The following IFNA1 variants were observed in gnomAD, a reference collection of about 807,000 sequenced individuals.
The protein encoded by IFNA1 is interferon alpha 1.
For missense variants in IFNA1, 130 were observed against 219.8 expected (o/e 0.59, Z 2.58); for synonymous variants, 52 against 86.8 (o/e 0.60, Z 2.23).
chr9:21,440,573 G>C lies in IFNA1; in HGVS notation c.66G>C (p.Leu22=). Residue 22 remains leucine (L), a synonymous_variant, in exon 1 of 1, where the codon CTG becomes CTC. Coordinates refer to ENST00000276927, the MANE Select transcript of IFNA1 (RefSeq NM_024013.3). ...VVLSCKSSCS[L]GCDLPETHSL... is the part of the protein sequence containing the mutation. Reference sequence around the variant, plus strand: ...TCAGCTGCAAGTCAAGCTGCTCTCTGGGCTGTGATCTCCCTGAGACCCACA... The same window carrying C: ...TCAGCTGCAAGTCAAGCTGCTCTCTCGGCTGTGATCTCCCTGAGACCCACA... 1 of 1,613,652 alleles carries C rather than the reference G, an allele frequency of 6.2e-7. No individual in the cohort carries two copies.
chr9:21,441,043 C>G lies in IFNA1; in HGVS notation c.536C>G (p.Thr179Arg). 3 of 1,611,994 alleles carry G rather than the reference C, an allele frequency of 1.9e-6. No individual in the cohort carries two copies. The highest frequency in any genetic ancestry group is 2.5e-6 in the Non-Finnish European group (3 of 1,179,650). The stretch of plus-strand genomic sequence containing the variant: ...ATCATGAGATCCCTCTCTTTATCAA[C>G]AAACTTGCAAGAAAGATTAAGGAGG... ...AEIMRSLSLSTNLQERLRRKE is the reference protein window; with the variant it reads ...AEIMRSLSLSRNLQERLRRKE The change falls in exon 1 of 1, where the codon ACA becomes AGA. Residue 179 changes from threonine to arginine, a missense_variant. Transcript: ENST00000276927.
Position 21,441,202 on chromosome 9 carries a change from C to A in IFNA1, c.*125C>A. On this transcript the variant is annotated 3_prime_UTR_variant, in exon 1 of 1. Transcript: ENST00000276927. ...TGACCATGCTGATAAACTGATTTAT[C>A]TATTTAAATATTTATTTAACTATTC... 2 of 1,360,766 alleles carry A rather than the reference C, an allele frequency of 1.5e-6. No homozygotes were observed. Among genetic ancestry groups the A allele is most frequent in the Non-Finnish European group, 2.0e-6 (2 of 1,006,828 alleles). The allele number at this position is 1,360,766 out of a possible 1,614,324, so 84.3% of individuals were successfully genotyped here.
chr9:21,440,444 A>T lies in IFNA1; in HGVS notation c.-64A>T. On this transcript the variant is annotated 5_prime_UTR_variant, in exon 1 of 1. Coordinates refer to ENST00000276927, the MANE Select transcript of IFNA1 (RefSeq NM_024013.3). Reference sequence around the variant, plus strand: ...TTGCAGGAAGCAAGGCCTTCAGAGAACCTAGAGCCCAAGGTTCAGAGTCAC... The same window carrying T: ...TTGCAGGAAGCAAGGCCTTCAGAGATCCTAGAGCCCAAGGTTCAGAGTCAC... 1 of 1,595,800 alleles carries T rather than the reference A, an allele frequency of 6.3e-7. No individual in the cohort carries two copies.
At position 21,441,309 on chromosome 9, in the gene IFNA1, A is replaced by G. The variant is rs34116439; in HGVS notation, c.*232A>G. The G allele has an allele frequency of 3.4e-5, 20 of 583,554 alleles. No individual in the cohort carries two copies. Among genetic ancestry groups the G allele is most frequent in the Non-Finnish European group, 5.2e-5 (19 of 366,036 alleles). 36.1% of individuals were successfully genotyped at this position (583,554 alleles called of 1,614,324 possible). ...TAGTGTAATAAAACATGTTCCTTAT[A>G]TTTACTCAATCCATTATTTTGTGTT... is the stretch of plus-strand genomic sequence containing the variant. On this transcript the variant is annotated 3_prime_UTR_variant, in exon 1 of 1. Transcript: ENST00000276927.
chr9:21,440,540 G>A lies in IFNA1; in HGVS notation c.33G>A (p.Leu11=). The A allele has an allele frequency of 1.2e-6, 2 of 1,614,074 alleles. No individual in the cohort carries two copies. The highest frequency in any genetic ancestry group is 1.7e-6 in the Non-Finnish European group (2 of 1,180,002). The change falls in exon 1 of 1, where the codon CTG becomes CTA. Residue 11 remains leucine, a synonymous_variant. Transcript: ENST00000276927. MASPFALLMV[L]VVLSCKSSCS... ...CGCCCTTTGCTTTACTGATGGTCCTGGTGGTGCTCAGCTGCAAGTCAAGCT... is the reference window on the plus strand; with the variant it reads ...CGCCCTTTGCTTTACTGATGGTCCTAGTGGTGCTCAGCTGCAAGTCAAGCT...
rs1818363943 is a variant in IFNA1, at chr9:21,440,857, A to T, written c.350A>T (p.Asn117Ile). 6.6e-7 allele frequency: 1 copy of T among 1,517,878 alleles called. No individual in the cohort carries two copies. Among genetic ancestry groups the T allele is most frequent in the Non-Finnish European group, 8.9e-7 (1 of 1,128,262 alleles). The allele number at this position is 1,517,878 out of a possible 1,614,324, so 94.0% of individuals were successfully genotyped here. A position where few individuals can be genotyped will look rare whatever the true frequency, so the allele number is the denominator to read the frequency against. Residue 117 changes from asparagine (N) to isoleucine (I), a missense_variant, in exon 1 of 1, where the codon AAT becomes ATT. By Grantham distance (149) the Asn-to-Ile change is moderately radical. Transcript: ENST00000276927. ...TGCACCGAACTCTACCAGCAGCTGA[A>T]TGACTTGGAAGCCTGTGTGATGCAG... ...KFCTELYQQL[N>I]DLEACVMQEE...
Position 21,441,162 on chromosome 9 carries a change from C to A in IFNA1, c.*85C>A, listed in dbSNP as rs540607611. The A allele has an allele frequency of 1.3e-6, 2 of 1,570,666 alleles. No homozygotes were observed. Among genetic ancestry groups the A allele is most frequent in the East Asian group, 4.5e-5 (2 of 44,612 alleles). On this transcript the variant is annotated 3_prime_UTR_variant, in exon 1 of 1. Transcript: ENST00000276927. ...AATTCTGTCATTTCAAAGACTCTCA[C>A]CCCTGCTATAACTATGACCATGCTG...
rs1247806290 is a variant in IFNA1 at position 21,440,503 on chromosome 9, C to T, written c.-5C>T. The T allele has an allele frequency of 6.2e-7, 1 of 1,614,130 alleles. No individual in the cohort carries two copies. The highest frequency in any genetic ancestry group is 1.7e-5 in the Admixed American group (1 of 60,028). On this transcript the variant is annotated 5_prime_UTR_variant, in exon 1 of 1. Transcript: ENST00000276927. The stretch of plus-strand genomic sequence containing the variant: ...GCAAGCCCAGAAGTATCTGCAATAT[C>T]TACGATGGCCTCGCCCTTTGCTTTA...
rs1269571759 is a variant in IFNA1 at position 21,441,183 on chromosome 9, T to C, written c.*106T>C. ...CTCACCCCTGCTATAACTATGACCA[T>C]GCTGATAAACTGATTTATCTATTTA... On this transcript the variant is annotated 3_prime_UTR_variant, in exon 1 of 1. Coordinates refer to ENST00000276927, the MANE Select transcript of IFNA1 (RefSeq NM_024013.3). The C allele has an allele frequency of 6.7e-7, 1 of 1,489,012 alleles. No homozygotes were observed. The highest frequency in any genetic ancestry group is 1.4e-5 in the African/African-American group (1 of 70,716). 92.2% of individuals were successfully genotyped at this position (1,489,012 alleles called of 1,614,324 possible).
rs528473053 is a variant in IFNA1 at position 21,440,981 on chromosome 9, A to T, written c.474A>T (p.Lys158Asn). The stretch of plus-strand genomic sequence containing the variant: ...TCACTCTCTATCTGACAGAGAAGAA[A>T]TACAGCCCTTGTGCCTGGGAGGTTG... Reference protein sequence around the residue: ...RRITLYLTEKKYSPCAWEVVR... With the variant: ...RRITLYLTEKNYSPCAWEVVR... The change falls in exon 1 of 1, where the codon AAA (lysine) becomes AAT (asparagine). Residue 158 changes from lysine (K) to asparagine (N), a missense_variant. Lys to Asn is a moderately conservative substitution (Grantham distance 94). Coordinates refer to ENST00000276927, the MANE Select transcript of IFNA1 (RefSeq NM_024013.3). 1.5e-5 allele frequency: 24 copies of T among 1,604,232 alleles called. No homozygotes were observed. The African/African-American group carries it at 3.1e-4, about 21-fold the overall frequency.
At position 21,441,277 on chromosome 9, in the gene IFNA1, C is replaced by T; in HGVS notation, c.*200C>T. ...ATATAACGTCATGTGCACCTTTACA[C>T]TGTGGTTAGTGTAATAAAACATGTT... On this transcript the variant is annotated 3_prime_UTR_variant, in exon 1 of 1. Coordinates refer to ENST00000276927, the MANE Select transcript of IFNA1 (RefSeq NM_024013.3). 5.0e-6 allele frequency: 4 copies of T among 795,580 alleles called. No homozygotes were observed. The highest frequency in any genetic ancestry group is 7.5e-6 in the Non-Finnish European group (4 of 532,770). The allele number at this position is 795,580 out of a possible 1,614,324, so 49.3% of individuals were successfully genotyped here.
rs1445241381 is a variant in IFNA1, at chr9:21,440,567, C to G, written c.60C>G (p.Cys20Trp). The G allele has an allele frequency of 6.2e-7, 1 of 1,613,806 alleles. No homozygotes were observed. The highest frequency in any genetic ancestry group is 2.2e-5 in the East Asian group (1 of 44,864). ...VLVVLSCKSS[C>W]SLGCDLPETH... is the part of the protein sequence containing the mutation. ...TGGTGCTCAGCTGCAAGTCAAGCTG[C>G]TCTCTGGGCTGTGATCTCCCTGAGA... is the stretch of plus-strand genomic sequence containing the variant. The change falls in exon 1 of 1, where the codon TGC becomes TGG. Residue 20 changes from cysteine (C) to tryptophan (W), a missense_variant. Physicochemically the swap from Cys to Trp is radical, Grantham distance 215. Coordinates refer to ENST00000276927, the MANE Select transcript of IFNA1 (RefSeq NM_024013.3).
At position 21,440,884 on chromosome 9, in the gene IFNA1, A is replaced by T. The variant is rs1818364288; in HGVS notation, c.377A>T (p.Glu126Val). Residue 126 changes from glutamate (E) to valine (V), a missense_variant, in exon 1 of 1, where the codon GAG (glutamate) becomes GTG (valine). By Grantham distance (121) the Glu-to-Val change is moderately radical. Transcript: ENST00000276927. ...LNDLEACVMQEERVGETPLMN... is the reference protein window; with the variant it reads ...LNDLEACVMQVERVGETPLMN... ...GACTTGGAAGCCTGTGTGATGCAGGAGGAGAGGGTGGGAGAAACTCCCCTG... is the reference window on the plus strand; with the variant it reads ...GACTTGGAAGCCTGTGTGATGCAGGTGGAGAGGGTGGGAGAAACTCCCCTG... The T allele has an allele frequency of 1.9e-6, 3 of 1,559,746 alleles. No individual in the cohort carries two copies. Among genetic ancestry groups the T allele is most frequent in the Middle Eastern group, 2.0e-4 (1 of 5,014 alleles).
Position 21,441,200 on chromosome 9 carries a change from A to G in IFNA1, c.*123A>G. Reference sequence around the variant, plus strand: ...TATGACCATGCTGATAAACTGATTTATCTATTTAAATATTTATTTAACTAT... The same window carrying G: ...TATGACCATGCTGATAAACTGATTTGTCTATTTAAATATTTATTTAACTAT... On this transcript the variant is annotated 3_prime_UTR_variant, in exon 1 of 1. Transcript: ENST00000276927. 1 of 1,363,356 alleles carries G rather than the reference A, an allele frequency of 7.3e-7. No individual in the cohort carries two copies. Among genetic ancestry groups the G allele is most frequent in the East Asian group, 2.5e-5 (1 of 40,508 alleles). 84.5% of individuals were successfully genotyped at this position (1,363,356 alleles called of 1,614,324 possible). A position where few individuals can be genotyped will look rare whatever the true frequency, so the allele number is the denominator to read the frequency against.
Sources: allele counts gnomAD v4.1 joint callset, GRCh38; gene constraint gnomAD v4.1.1; transcripts MANE v1.5; gene names NCBI Gene and HGNC (gene_info 2026-07-23, HGNC 2026-07-21).